Variants in AZIN2 observed in about 807,000 individuals in gnomAD.
AZIN2 encodes the protein antizyme inhibitor 2.
Under a neutral mutation model 47.8 loss-of-function variants are expected in AZIN2, and 28 were observed. The observed-to-expected ratio is 0.59, with a 90% CI of 0.43 to 0.80. AZIN2 has a LOEUF of 0.80. AZIN2 is among the 30% of genes least tolerant of loss of function. The probability of loss-of-function intolerance (pLI) is 0.00; values close to 1 mark genes in which losing one functional copy is unlikely to be tolerated. For synonymous variants in AZIN2, 221 were observed against 239.4 expected (o/e 0.92, Z 0.71); for missense variants, 535 against 582.5 (o/e 0.92, Z 0.84).
chr1:33,165,679 A>C, the AZIN2 span: 1 of 829,142 alleles, frequency 1.2e-6, no homozygotes, highest in Non-Finnish European at 1.8e-6. The surrounding 1 kb of genome is among the most constrained non-coding windows in gnomAD (Gnocchi z 4.0). Context: ...CCAACCTCCA[A>C]CACTTGCCTC....
chr1:33,165,641 G>C, the AZIN2 span: 3 of 1,330,704 alleles, frequency 2.3e-6, no homozygotes, highest in African/African-American at 1.5e-5. The surrounding 1 kb of genome is among the most constrained non-coding windows in gnomAD (Gnocchi z 4.0). Context: ...CCACTGCCAG[G>C]CGCTGGGGGT....
downstream of AZIN2, among the ~76,000 whole-genome samples, chr1:33,125,515 T>C (rs1482230180): frequency 1.3e-5 from 2 of 152,210 alleles, no homozygotes; most frequent in South Asian, 2.1e-4. Context: ...TACTCCAGCA[T>C]TGGCTCATTC....
chr1:33,135,471 C>T, the AZIN2 span, among the ~76,000 whole-genome samples: 3 of 152,322 alleles, frequency 2.0e-5, no homozygotes, highest in East Asian at 1.9e-4. Flanking sequence ...TTCTAGCTGT[C>T]GTTAGGCATT....
chr1:33,096,586 C>T (rs753950553), intron 8 of AZIN2, 121 bp from the exon 9 acceptor site: 80 of 1,300,566 alleles, frequency 6.2e-5, no homozygotes, highest in Non-Finnish European at 8.2e-5. Context: ...TTAGCAGCTG[C>T]CAAATCCTTC....
At chr1:33,102,796 A>G (rs1380479216) in intron 10 of AZIN2, among the ~76,000 whole-genome samples, 1 of 152,040 alleles carries the variant, frequency 6.6e-6, no homozygotes, top group Non-Finnish European at 1.5e-5. Context: ...TTGCACATCC[A>G]ACTACCCGCT....
intron 8 of AZIN2, 47 bp downstream of exon 8, chr1:33,094,760 G>A (rs926570307): frequency 1.2e-6 from 2 of 1,601,950 alleles, no homozygotes; most frequent in Admixed American, 1.7e-5. Context: ...TGGCGGGGAG[G>A]ATAGGGAGGG....
In AZIN2 at chr1:33,084,020, A is replaced by C; in HGVS notation, c.172A>C (p.Lys58Gln). ...AIVRKHFCFL[K>Q]CLPRVRPFYA... ...AGTGAGGAAGCACTTTTGCTTTCTG[A>C]AGTGCCTGCCACGAGTCCGGCCCTT... Residue 58 changes from lysine to glutamine, a missense_variant, in exon 5 of 12, where the codon AAG becomes CAG. Physicochemically the swap from Lys to Gln is moderately conservative, Grantham distance 53 (BLOSUM62 1). Coordinates refer to ENST00000294517, the MANE Select transcript of AZIN2 (RefSeq NM_052998.4). The C allele has an allele frequency of 6.2e-7, 1 of 1,614,160 alleles. No individual in the cohort carries two copies. Among genetic ancestry groups the C allele is most frequent in the East Asian group, 2.2e-5 (1 of 44,886 alleles).
chr1:33,124,568 C>T (rs566675695), downstream of AZIN2, among the ~76,000 whole-genome samples: 26 of 152,084 alleles, frequency 1.7e-4, no homozygotes, highest in East Asian at 4.8e-3. The surrounding 1 kb of genome is among the most constrained non-coding windows in gnomAD (Gnocchi z 4.6). Flanking sequence ...ATGTGCACAA[C>T]GTGCAGGTTT....
chr1:33,125,044 G>A (rs1358826869), downstream of AZIN2, among the ~76,000 whole-genome samples: 1 of 152,176 alleles, frequency 6.6e-6, no homozygotes, highest in African/African-American at 2.4e-5. Context: ...CCAGTAATGG[G>A]ATCCAACCAG....
rs139680233 is a variant in AZIN2, at chr1:33,105,337, AT to A, written c.1029+7162del. 3.1e-3 allele frequency among the ~76,000 whole-genome samples: 473 copies of A among 152,352 alleles called. 14 individuals carry two copies. The East Asian group carries it at 0.08, about 26-fold the overall frequency. On this transcript the variant is annotated intron_variant, in intron 10 of 11. Coordinates refer to ENST00000294517, the MANE Select transcript of AZIN2 (RefSeq NM_052998.4). ...TAGGTGGACTTTTAAATATAGAAAC[AT>A]TTTAAATGTTCATTGAGTGCTCTAA...
chr1:33,158,021 C>A, the AZIN2 span, among the ~76,000 whole-genome samples: 1 of 152,208 alleles, frequency 6.6e-6, no homozygotes, highest in Admixed American at 6.5e-5. Context: ...TCCCAAAGTG[C>A]TGGGATTACA....
rs577610800 is a variant in AZIN2 at position 33,081,195 on chromosome 1, C to T, written c.-505C>T. 109 of 154,306 alleles carry T rather than the reference C, an allele frequency of 7.1e-4. 1 individual carries two copies. Among genetic ancestry groups the T allele is most frequent in the Admixed American group, 1.9e-3 (29 of 15,324 alleles). The allele number at this position is 154,306 out of a possible 1,614,324, so 9.6% of individuals were successfully genotyped here. On this transcript the variant is annotated 5_prime_UTR_variant, in exon 1 of 12. Coordinates refer to ENST00000294517, the MANE Select transcript of AZIN2 (RefSeq NM_052998.4). This position sits in a 1 kb window ranked among gnomAD's most constrained non-coding sequence, Gnocchi z 4.2. ...TGCTGGGCTGGCGGGGCGCAGGCCG[C>T]GGGACCCGAGCCCGGGGAAGCGAGA...
intron 10 of AZIN2, among the ~76,000 whole-genome samples, chr1:33,105,064 C>A (rs966672192): frequency 1.7e-4 from 26 of 152,120 alleles, no homozygotes; most frequent in African/African-American, 6.0e-4. Flanking sequence ...CATGATTTAA[C>A]CAGTTTTAGC....
intron 10 of AZIN2, among the ~76,000 whole-genome samples, chr1:33,104,401 A>T (rs1238123293): frequency 6.6e-6 from 1 of 152,018 alleles, no homozygotes; most frequent in Admixed American, 6.5e-5. Flanking sequence ...CTATTGGTTT[A>T]TTGTTTTAGT....
the AZIN2 span, chr1:33,142,088 C>T: frequency 6.6e-6 from 1 of 152,250 alleles, no homozygotes; most frequent in African/African-American, 2.4e-5. Flanking sequence ...GATAATTCAA[C>T]ACCTTTGTTA....
chr1:33,134,073 C>T, the AZIN2 span, among the ~76,000 whole-genome samples: 3 of 152,184 alleles, frequency 2.0e-5, no homozygotes, highest in African/African-American at 7.2e-5. Flanking sequence ...AACCCAGATC[C>T]GCATGTTGCC....
chr1:33,108,467 C>T (rs943187597), intron 10 of AZIN2, among the ~76,000 whole-genome samples: 29 of 151,856 alleles, frequency 1.9e-4, no homozygotes, highest in African/African-American at 5.3e-4. Context: ...CTCAGCCTCC[C>T]GAGTAGCTGG....
Position 33,084,722 on chromosome 1 carries a change from C to T in AZIN2, c.279+595C>T, listed in dbSNP as rs188312116. On this transcript the variant is annotated intron_variant, in intron 5 of 11. Coordinates refer to ENST00000294517, the MANE Select transcript of AZIN2 (RefSeq NM_052998.4). The stretch of plus-strand genomic sequence containing the variant: ...AGTGATTCTCCTGCCCTCAGCCTCC[C>T]GAGTAGATGGGATTACAGGTGCACA... 3.0e-3 allele frequency among the ~76,000 whole-genome samples: 451 copies of T among 152,066 alleles called. 1 individual carries two copies. The highest frequency in any genetic ancestry group is 0.014 in the Middle Eastern group (4 of 294).
chr1:33,148,026 A>T, the AZIN2 span, among the ~76,000 whole-genome samples: 1 of 152,164 alleles, frequency 6.6e-6, no homozygotes, highest in Admixed American at 6.5e-5. Flanking sequence ...TTGTTGAATT[A>T]ACCAGAATGA....
Sources: gnomAD v4.1 joint callset for allele counts (sites outside exome capture counted in the v4.1 genomes callset) on GRCh38, gnomAD v4.1.1 for gene constraint, Gnocchi (gnomAD v3.1) non-coding constraint, MANE v1.5 for transcripts, NCBI Gene and HGNC (gene_info 2026-07-23, HGNC 2026-07-21) for gene names.